TAFA4: variants seen among roughly 807,000 people sequenced by gnomAD.
TAFA4 encodes TAFA chemokine like family member 4, also known as chemokine-like protein TAFA-4.
Under a neutral mutation model 21.1 loss-of-function variants are expected in TAFA4, and 20 were observed. The observed-to-expected ratio is 0.95, with a 90% CI of 0.67 to 1.38. The LOEUF (loss-of-function observed/expected upper bound fraction) is 1.38. TAFA4 is among the 40% of genes most tolerant of loss of function. The pLI is 0.00. For missense variants in TAFA4, 211 were observed against 180.9 expected (o/e 1.17, Z -0.95); for synonymous variants, 71 against 67.4 (o/e 1.05, Z -0.26).
intron 3 of TAFA4, among the ~76,000 whole-genome samples, chr3:68,873,497 T>A (rs1000852630): frequency 6.6e-6 from 1 of 152,076 alleles, no homozygotes; most frequent in Non-Finnish European, 1.5e-5. Flanking sequence ...TCCCTTTCAA[T>A]TTGGGTATTA....
rs138287841 is a variant in TAFA4 at position 68,839,430 on chromosome 3, C to G, written c.130+41300G>C. Among the ~76,000 whole-genome samples the G allele has an allele frequency of 3.2e-3, 487 of 152,208 alleles. 5 individuals carry two copies. Among genetic ancestry groups the G allele is most frequent in the African/African-American group, 0.011 (460 of 41,528 alleles). On this transcript the variant is annotated intron_variant, in intron 3 of 5. Transcript: ENST00000295569. Reference sequence around the variant, plus strand: ...TAATGTCCAAAACAACAACAATGAACAAACAAAAGTAATTCACAATAAAAT... The same window carrying G: ...TAATGTCCAAAACAACAACAATGAAGAAACAAAAGTAATTCACAATAAAAT...
At chr3:68,862,813 T>A (rs1270004182) in intron 3 of TAFA4, among the ~76,000 whole-genome samples, 1 of 151,622 alleles carries the variant, frequency 6.6e-6, no homozygotes, top group Non-Finnish European at 1.5e-5. Flanking sequence ...AAGCAATTTG[T>A]TACATCATGG....
chr3:68,900,296 A>T (rs2089833656), intron 1 of TAFA4, among the ~76,000 whole-genome samples: 2 of 138,338 alleles, frequency 1.4e-5, no homozygotes. Context: ...TAATAATAAT[A>T]ATAATAATAA....
At chr3:68,926,530 G>A (rs2090109314) in intron 1 of TAFA4, among the ~76,000 whole-genome samples, 1 of 152,166 alleles carries the variant, frequency 6.6e-6, no homozygotes, top group African/African-American at 2.4e-5. Flanking sequence ...TGCGGACATT[G>A]GATAAGACAC....
intron 3 of TAFA4, among the ~76,000 whole-genome samples, chr3:68,849,810 C>G (rs925929755): frequency 1.3e-5 from 2 of 152,184 alleles, no homozygotes; most frequent in South Asian, 2.1e-4. Context: ...TCTTCTCTCA[C>G]AAAGGATCCA....
chr3:68,766,941 T>A (rs530870641), intron 3 of TAFA4, among the ~76,000 whole-genome samples: 3 of 152,152 alleles, frequency 2.0e-5, no homozygotes, highest in Non-Finnish European at 4.4e-5. Flanking sequence ...TAAAAACCAA[T>A]GGACTCATGC....
chr3:68,786,678 A>C (rs1366035920), intron 3 of TAFA4, among the ~76,000 whole-genome samples: 1 of 152,224 alleles, frequency 6.6e-6, no homozygotes, highest in Non-Finnish European at 1.5e-5. Flanking sequence ...TCAGAAGGTA[A>C]TTGTGAATAC....
At chr3:68,905,841 A>G (rs557019129) in intron 1 of TAFA4, among the ~76,000 whole-genome samples, 3 of 152,340 alleles carry the variant, frequency 2.0e-5, no homozygotes, top group South Asian at 4.1e-4. Context: ...AGATCTGTAC[A>G]AGAAACAGGG....
intron 3 of TAFA4, among the ~76,000 whole-genome samples, chr3:68,783,671 CACAGAGAGAGAG>C (rs1187832636): frequency 3.9e-4 from 38 of 96,286 alleles, no homozygotes; most frequent in African/African-American, 1.5e-3. Context: ...GACACACACA[CACAGAGAGAGAG>C]AGAGAGAGAG....
At chr3:68,778,315 A>G (rs1338903578) in intron 3 of TAFA4, among the ~76,000 whole-genome samples, 2 of 152,236 alleles carry the variant, frequency 1.3e-5, no homozygotes, top group Non-Finnish European at 2.9e-5. Context: ...CAGGAACTTC[A>G]TAATCATAAA....
At chr3:68,767,045 AT>A (rs752669570) in intron 3 of TAFA4, among the ~76,000 whole-genome samples, 1 of 152,026 alleles carries the variant, frequency 6.6e-6, no homozygotes, top group Non-Finnish European at 1.5e-5. Context: ...AAAAACGTTT[AT>A]TTTTTTGTTT....
intron 3 of TAFA4, among the ~76,000 whole-genome samples, chr3:68,830,896 G>A (rs1180535642): frequency 6.6e-6 from 1 of 152,144 alleles, no homozygotes; most frequent in Non-Finnish European, 1.5e-5. Flanking sequence ...TATATATTTA[G>A]GATAGTTAGC....
At position 68,783,669 on chromosome 3, in the gene TAFA4, C is replaced by CAGAG. The variant is rs1413204711; in HGVS notation, c.131-30652_131-30651insCTCT. 2.3e-3 allele frequency among the ~76,000 whole-genome samples: 248 copies of CAGAG among 106,574 alleles called. 1 individual carries two copies. Among genetic ancestry groups the CAGAG allele is most frequent in the African/African-American group, 6.3e-3 (162 of 25,742 alleles). The allele number at this position is 106,574 out of a possible 152,430, so 69.9% of individuals were successfully genotyped here. A position where few individuals can be genotyped will look rare whatever the true frequency, so the allele number is the denominator to read the frequency against. On this transcript the variant is annotated intron_variant, in intron 3 of 5. Transcript: ENST00000295569. ...TTCAAAGAAAAATCACAGACACACA[C>CAGAG]ACACAGAGAGAGAGAGAGAGAGAGA...
chr3:68,741,229 G>A (rs188746502), intron 4 of TAFA4, among the ~76,000 whole-genome samples: 33 of 152,262 alleles, frequency 2.2e-4, no homozygotes, highest in Admixed American at 9.2e-4. Flanking sequence ...TTGCTTTGGA[G>A]AGTATGGACA....
At chr3:68,929,870 T>A (rs985161629) in intron 1 of TAFA4, among the ~76,000 whole-genome samples, 12 of 152,246 alleles carry the variant, frequency 7.9e-5, no homozygotes, top group Non-Finnish European at 1.3e-4. Context: ...ACAGGCAATA[T>A]AGAATCACTT....
chr3:68,827,966 T>C (rs1264802947), intron 3 of TAFA4, among the ~76,000 whole-genome samples: 1 of 152,216 alleles, frequency 6.6e-6, no homozygotes, highest in Non-Finnish European at 1.5e-5. Context: ...CATGCCTATG[T>C]CCTGAATGGT....
chr3:68,750,894 C>T (rs139528936), intron 4 of TAFA4, among the ~76,000 whole-genome samples: 1 of 152,146 alleles, frequency 6.6e-6, no homozygotes, highest in Non-Finnish European at 1.5e-5. Flanking sequence ...TGTGGGCCAG[C>T]CAATGGGGAA....
At chr3:68,871,985 A>C (rs150513187) in intron 3 of TAFA4, among the ~76,000 whole-genome samples, 1 of 152,160 alleles carries the variant, frequency 6.6e-6, no homozygotes, top group South Asian at 2.1e-4. Flanking sequence ...TGTGGAAAAC[A>C]ATACAGTGGT....
chr3:68,813,478 C>T (rs776906119), intron 3 of TAFA4, among the ~76,000 whole-genome samples: 5 of 151,900 alleles, frequency 3.3e-5, no homozygotes, highest in African/African-American at 1.2e-4. Context: ...AAAATGATAA[C>T]AGGATACCAC....
Sources: allele counts gnomAD v4.1 joint callset (sites outside exome capture counted in the v4.1 genomes callset), GRCh38; gene constraint gnomAD v4.1.1; transcripts MANE v1.5; gene names NCBI Gene and HGNC (gene_info 2026-07-23, HGNC 2026-07-21).